CD2AP: variants seen among roughly 807,000 people sequenced by gnomAD.
CD2AP encodes the protein CD2-associated protein.
A neutral mutation model predicts 85.1 loss-of-function variants in CD2AP; 46 were observed. That is an observed-to-expected ratio of 0.54 (90% CI 0.43 to 0.69). The LOEUF (loss-of-function observed/expected upper bound fraction) is 0.69. Among genes scored for constraint, CD2AP ranks in the 30% least tolerant of loss-of-function variants. CD2AP has a pLI of 0.00. For synonymous variants in CD2AP, 255 were observed against 252.9 expected (o/e 1.01, Z -0.08); for missense variants, 769 against 729.5 (o/e 1.05, Z -0.62).
intron 3 of CD2AP, among the ~76,000 whole-genome samples, chr6:47,538,248 A>G (rs1328464432): frequency 6.6e-6 from 1 of 151,862 alleles, no homozygotes; most frequent in Non-Finnish European, 1.5e-5. Context: ...TATTTTATTT[A>G]TTTATTTTTT....
Position 47,624,170 on chromosome 6 carries a change from A to G in CD2AP, c.1879-16A>G. ...AGGATATTTTATGTTTGCTCAATTT[A>G]TGTTTTTTGTTTTAGATGGAAATAG... is the stretch of plus-strand genomic sequence containing the variant. On this transcript the variant is annotated splice_polypyrimidine_tract_variant and intron_variant, in intron 17 of 17. Transcript: ENST00000359314. The G allele has an allele frequency of 6.3e-7, 1 of 1,593,952 alleles. No individual in the cohort carries two copies. Among genetic ancestry groups the G allele is most frequent in the Non-Finnish European group, 8.6e-7 (1 of 1,162,020 alleles).
At chr6:47,552,304 CT>C (rs1251266985) in intron 4 of CD2AP, among the ~76,000 whole-genome samples, 4 of 151,758 alleles carry the variant, frequency 2.6e-5, no homozygotes, top group Non-Finnish European at 5.9e-5. Flanking sequence ...CACCCCCATT[CT>C]TTCCCCCCAA....
At chr6:47,492,819 T>C (rs1765767996) in intron 1 of CD2AP, among the ~76,000 whole-genome samples, 1 of 152,222 alleles carries the variant, frequency 6.6e-6, no homozygotes, top group Admixed American at 6.5e-5. Context: ...CATTATTTTT[T>C]TTCCATTTTT....
At chr6:47,578,858 T>G (rs938074128) in intron 8 of CD2AP, among the ~76,000 whole-genome samples, 2 of 152,012 alleles carry the variant, frequency 1.3e-5, no homozygotes, top group African/African-American at 2.4e-5. Flanking sequence ...GGTTTCACCT[T>G]GTTGGTCAGG....
Position 47,532,273 on chromosome 6 carries a change from G to T in CD2AP, c.166-1329G>T, listed in dbSNP as rs1254072816. On this transcript the variant is annotated intron_variant, in intron 2 of 17. Transcript: ENST00000359314. ...TGGAAGGATTGCTCGAGCCCAGAAGGTGGAGGCTGCAGTGAGCCATGATCA... is the reference window on the plus strand; with the variant it reads ...TGGAAGGATTGCTCGAGCCCAGAAGTTGGAGGCTGCAGTGAGCCATGATCA... Among the ~76,000 whole-genome samples the T allele has an allele frequency of 3.3e-5, 5 of 151,158 alleles. No individual in the cohort carries two copies. In the East Asian group the frequency reaches 7.7e-4, roughly 23 times the overall value.
intron 5 of CD2AP, among the ~76,000 whole-genome samples, chr6:47,570,966 T>C (rs1221698101): frequency 6.6e-6 from 1 of 152,200 alleles, no homozygotes; most frequent in African/African-American, 2.4e-5. Context: ...TTTAATGATA[T>C]ATATTTTAAT....
intron 11 of CD2AP, among the ~76,000 whole-genome samples, chr6:47,594,911 G>T (rs929314392): frequency 1.3e-5 from 2 of 151,992 alleles, no homozygotes; most frequent in African/African-American, 2.4e-5. Context: ...CCAGTTTCTG[G>T]TTGATATGAA....
At chr6:47,623,188 T>C (rs1421362754) in intron 17 of CD2AP, among the ~76,000 whole-genome samples, 1 of 152,196 alleles carries the variant, frequency 6.6e-6, no homozygotes, top group Non-Finnish European at 1.5e-5. Flanking sequence ...TATAATCCTT[T>C]AGGAGATTGT....
At chr6:47,504,473 G>C (rs1460364122) in intron 2 of CD2AP, among the ~76,000 whole-genome samples, 1 of 152,186 alleles carries the variant, frequency 6.6e-6, no homozygotes, top group Non-Finnish European at 1.5e-5. Context: ...CAGATGCTCA[G>C]ATCTGTTATA....
At chr6:47,531,571 A>G (rs1345971597) in intron 2 of CD2AP, among the ~76,000 whole-genome samples, 5 of 151,112 alleles carry the variant, frequency 3.3e-5, no homozygotes, top group African/African-American at 7.3e-5. Context: ...CCTGTTCTCC[A>G]TATTGGTCTC....
In CD2AP at chr6:47,611,584, T is replaced by C. The variant is rs750212618; in HGVS notation, c.1815-889T>C. Among the ~76,000 whole-genome samples the C allele has an allele frequency of 3.9e-5, 6 of 152,076 alleles. No homozygotes were observed. The East Asian group carries it at 7.7e-4, about 20-fold the overall frequency. On this transcript the variant is annotated intron_variant, in intron 16 of 17. Coordinates refer to ENST00000359314, the MANE Select transcript of CD2AP (RefSeq NM_012120.3). ...AAATAATTTTAAAATTCCTTCCTTA[T>C]GTATTTTTTCTTCATGAATTTTTTC...
In CD2AP at chr6:47,609,297, G is replaced by T. The variant is rs1455175499; in HGVS notation, c.1807G>T (p.Asp603Tyr). 1.2e-6 allele frequency: 2 copies of T among 1,612,446 alleles called. No homozygotes were observed. The highest frequency in any genetic ancestry group is 1.7e-6 in the Non-Finnish European group (2 of 1,178,900). The stretch of plus-strand genomic sequence containing the variant: ...GTGCATTGTAGAAGCACTGAAAAAG[G>T]ATCACGGGTAAGTAGCCCTTCTTTT... ...LLCIVEALKK[D>Y]HGKELEKLRK... Residue 603 changes from aspartate (D) to tyrosine (Y), a missense_variant, in exon 16 of 18, where the codon GAT (aspartate) becomes TAT (tyrosine). Coordinates refer to ENST00000359314, the MANE Select transcript of CD2AP (RefSeq NM_012120.3).
chr6:47,478,278 G>T, intron 1 of CD2AP, 30 bp downstream of exon 1: 2 of 1,566,834 alleles, frequency 1.3e-6, no homozygotes, highest in South Asian at 1.2e-5. Context: ...CCCGCCGCCC[G>T]TCCGGACCTT....
chr6:47,509,449 A>AG (rs1436010587), intron 2 of CD2AP, among the ~76,000 whole-genome samples: 1 of 151,832 alleles, frequency 6.6e-6, no homozygotes, highest in Non-Finnish European at 1.5e-5. Flanking sequence ...AAAAAAAAAA[A>AG]AAATTCAGTT....
chr6:47,578,703 GAGTGC>G (rs1425131658), intron 8 of CD2AP, among the ~76,000 whole-genome samples: 1 of 151,176 alleles, frequency 6.6e-6, no homozygotes, highest in Non-Finnish European at 1.5e-5. Flanking sequence ...ACCCAGGCTG[GAGTGC>G]AGTGGTGGTG....
chr6:47,545,455 A>T (rs1767339288), intron 4 of CD2AP, among the ~76,000 whole-genome samples: 1 of 152,056 alleles, frequency 6.6e-6, no homozygotes, highest in Non-Finnish European at 1.5e-5. Flanking sequence ...TACTCTTGGG[A>T]GCTCTAAGGC....
intron 2 of CD2AP, among the ~76,000 whole-genome samples, chr6:47,508,420 C>T (rs1174604700): frequency 1.3e-5 from 2 of 152,156 alleles, no homozygotes; most frequent in African/African-American, 2.4e-5. Context: ...AACTTCCTGA[C>T]CTCTCTGTAT....
At chr6:47,509,339 A>G (rs1562008929) in intron 2 of CD2AP, among the ~76,000 whole-genome samples, 2 of 152,170 alleles carry the variant, frequency 1.3e-5, no homozygotes, top group South Asian at 2.1e-4. Context: ...TGCAAGAATG[A>G]CAAAAATGTA....
intron 17 of CD2AP, among the ~76,000 whole-genome samples, chr6:47,622,140 A>C (rs369305476): frequency 2.0e-5 from 3 of 152,274 alleles, no homozygotes; most frequent in East Asian, 1.9e-4. Context: ...GCTGGCAGTC[A>C]CAGGCCTCAC....
Sources: gnomAD v4.1 joint callset for allele counts (sites outside exome capture counted in the v4.1 genomes callset) on GRCh38, gnomAD v4.1.1 for gene constraint, MANE v1.5 for transcripts, NCBI Gene and HGNC (gene_info 2026-07-23, HGNC 2026-07-21) for gene names.